PARN: variants seen among roughly 807,000 people sequenced by gnomAD.
PARN encodes poly(A)-specific ribonuclease.
Under a neutral mutation model 102.8 loss-of-function variants are expected in PARN, and 71 were observed. The observed-to-expected ratio is 0.69, with a 90% CI of 0.57 to 0.84. The LOEUF (loss-of-function observed/expected upper bound fraction) is 0.84. Among genes scored for constraint, PARN ranks in the 40% least tolerant of loss-of-function variants. PARN has a pLI of 0.00. For synonymous variants in PARN, 261 were observed against 252.9 expected, an observed-to-expected ratio of 1.03 and a Z score of -0.30; for missense variants, 782 against 760.9, an observed-to-expected ratio of 1.03 and a Z score of -0.33.
At chr16:14,614,484 G>A (rs1047011965) in intron 6 of PARN, among the ~76,000 whole-genome samples, 1 of 152,154 alleles carries the variant, frequency 6.6e-6, no homozygotes, top group Non-Finnish European at 1.5e-5. Flanking sequence ...TAAGATGCAC[G>A]CTGTGCCTAC....
intron 21 of PARN, among the ~76,000 whole-genome samples, chr16:14,527,227 A>G (rs571430213): frequency 6.6e-6 from 1 of 152,350 alleles, no homozygotes; most frequent in South Asian, 2.1e-4. Flanking sequence ...CAAACAAGCC[A>G]GTTTTACCTG....
chr16:14,570,649 CAAA>C (rs879863774), intron 18 of PARN, among the ~76,000 whole-genome samples: 1 of 100,890 alleles, frequency 9.9e-6, no homozygotes. Flanking sequence ...GACTCCATCT[CAAA>C]AAAAAAAAAA....
At chr16:14,553,746 C>A (rs1967477995) in intron 20 of PARN, among the ~76,000 whole-genome samples, 1 of 152,176 alleles carries the variant, frequency 6.6e-6, no homozygotes. Flanking sequence ...AACACACAAA[C>A]CCTGTGAGTT....
intron 21 of PARN, among the ~76,000 whole-genome samples, chr16:14,497,960 C>T (rs746452323): frequency 5.9e-5 from 9 of 151,898 alleles, no homozygotes; most frequent in Non-Finnish European, 1.3e-4. Context: ...CCTGTTTCTA[C>T]TAAAAATACA....
rs1272252283 is a variant in PARN, at chr16:14,482,846, A to C, written c.1481-19T>G. On this transcript the variant is annotated intron_variant, in intron 21 of 23. Coordinates refer to ENST00000437198, the MANE Select transcript of PARN (RefSeq NM_002582.4). ...TTGACAGCTACAAGGAAAAGAAAAA[A>C]AAATAAAATGCTTACAAAAGTCTGG... 2.5e-5 allele frequency: 39 copies of C among 1,581,504 alleles called. No individual in the cohort carries two copies. The highest frequency in any genetic ancestry group is 3.3e-5 in the Non-Finnish European group (39 of 1,165,428).
chr16:14,544,342 A>G (rs904392406), intron 21 of PARN, among the ~76,000 whole-genome samples: 2 of 152,200 alleles, frequency 1.3e-5, no homozygotes, highest in South Asian at 2.1e-4. Flanking sequence ...TCGGAGGTCA[A>G]TGCAGGTGGG....
intron 21 of PARN, among the ~76,000 whole-genome samples, chr16:14,546,333 G>A (rs1194281323): frequency 6.6e-5 from 10 of 152,174 alleles, no homozygotes. Flanking sequence ...AATTTAGACT[G>A]AGGCAAAGCC....
intron 3 of PARN, 126 bp downstream of exon 3, chr16:14,628,046 C>T: frequency 1.5e-6 from 1 of 675,248 alleles, no homozygotes; most frequent in Non-Finnish European, 2.6e-6. Flanking sequence ...CACTTCATGG[C>T]TAGGTTTGAG....
rs35329440 is a variant in PARN at position 14,593,492 on chromosome 16, TAAAAA to T, written c.841-119_841-115del. ...TTGTACTAAACTCGCTTTCCAGACTTAAAAAAAAAAAAAAAAAAAAAAAAAAAAAA... is the reference window on the plus strand; with the variant it reads ...TTGTACTAAACTCGCTTTCCAGACTTAAAAAAAAAAAAAAAAAAAAAAAAA... On this transcript the variant is annotated intron_variant, in intron 12 of 23. Coordinates refer to ENST00000437198, the MANE Select transcript of PARN (RefSeq NM_002582.4). 1.0e-3 allele frequency: 32 copies of T among 31,810 alleles called. 1 individual carries two copies. The highest frequency in any genetic ancestry group is 3.3e-3 in the South Asian group (2 of 604). The allele number at this position is 31,810 out of a possible 1,614,324, so 2.0% of individuals were successfully genotyped here.
intron 7 of PARN, among the ~76,000 whole-genome samples, chr16:14,609,376 G>C (rs941890516): frequency 1.3e-5 from 2 of 151,998 alleles, no homozygotes; most frequent in African/African-American, 4.8e-5. Flanking sequence ...GACCAGCCTG[G>C]GCAATATACT....
chr16:14,553,256 T>TAAAAA (rs58411352), intron 20 of PARN, among the ~76,000 whole-genome samples: 3 of 117,470 alleles, frequency 2.6e-5, no homozygotes, highest in Admixed American at 8.9e-5. Flanking sequence ...TATTTCTATT[T>TAAAAA]AAAAAAAAAA....
At chr16:14,468,107 C>A (rs138025882) in intron 22 of PARN, among the ~76,000 whole-genome samples, 2 of 151,966 alleles carry the variant, frequency 1.3e-5, no homozygotes, top group Admixed American at 1.3e-4. Context: ...CACTTCTAGT[C>A]GAAGGGAAGG....
chr16:14,482,593 T>A (rs756521442), intron 22 of PARN, 45 bp downstream of exon 22: 1 of 1,431,144 alleles, frequency 7.0e-7, no homozygotes. Context: ...AGAAAAGCCA[T>A]TGCTAGAACT....
At chr16:14,506,237 A>G (rs911672658) in intron 21 of PARN, among the ~76,000 whole-genome samples, 3 of 152,270 alleles carry the variant, frequency 2.0e-5, no homozygotes, top group Non-Finnish European at 4.4e-5. Flanking sequence ...TGTGAAAATA[A>G]GAAACAGGCT....
intron 12 of PARN, among the ~76,000 whole-genome samples, chr16:14,593,767 C>A (rs996976326): frequency 2.0e-5 from 3 of 151,984 alleles, no homozygotes; most frequent in Non-Finnish European, 2.9e-5. Flanking sequence ...GAGGTCAAGG[C>A]GGGTGGATCA....
At chr16:14,530,782 C>T (rs1429949730) in intron 21 of PARN, among the ~76,000 whole-genome samples, 65 of 152,126 alleles carry the variant, frequency 4.3e-4, no homozygotes, top group Admixed American at 4.3e-3. Context: ...TGTACCAGGG[C>T]ATCTCCTCAA....
chr16:14,507,664 G>T (rs1964967049), intron 21 of PARN, among the ~76,000 whole-genome samples: 1 of 151,998 alleles, frequency 6.6e-6, no homozygotes, highest in African/African-American at 2.4e-5. Context: ...ACTCCAGCCT[G>T]GGTGACAGGG....
intron 6 of PARN, among the ~76,000 whole-genome samples, 165 bp downstream of exon 6, chr16:14,617,423 TAA>T (rs1971993966): frequency 6.6e-6 from 1 of 150,944 alleles, no homozygotes. Flanking sequence ...AGCAAGTTTT[TAA>T]AAATTCTAAG....
chr16:14,528,895 T>C (rs558562772), intron 21 of PARN, among the ~76,000 whole-genome samples: 1 of 152,362 alleles, frequency 6.6e-6, no homozygotes, highest in South Asian at 2.1e-4. Context: ...TAAGTATTTC[T>C]TATAAACTGG....
Sources: allele counts gnomAD v4.1 joint callset (sites outside exome capture counted in the v4.1 genomes callset), GRCh38; gene constraint gnomAD v4.1.1; transcripts MANE v1.5; gene names NCBI Gene and HGNC (gene_info 2026-07-23, HGNC 2026-07-21).